The following HPSE2 variants were observed in gnomAD, a reference collection of about 807,000 sequenced individuals.
The protein encoded by HPSE2 is heparanase 2 (inactive).
HPSE2 carries 38 observed loss-of-function variants against 60.5 expected under a neutral mutation model. That is an observed-to-expected ratio of 0.63 (90% CI 0.48 to 0.82). The LOEUF (loss-of-function observed/expected upper bound fraction) is 0.82. Among genes scored for constraint, HPSE2 ranks in the 40% least tolerant of loss-of-function variants. The probability of loss-of-function intolerance (pLI) is 0.00; values close to 1 mark genes in which losing one functional copy is unlikely to be tolerated. For synonymous variants in HPSE2, 295 were observed against 293.2 expected (o/e 1.01, Z -0.06); for missense variants, 713 against 740.4 (o/e 0.96, Z 0.43).
intron 4 of HPSE2, among the ~76,000 whole-genome samples, chr10:98,736,891 G>A (rs1949371324): frequency 6.6e-6 from 1 of 152,140 alleles, no homozygotes; most frequent in African/African-American, 2.4e-5. Context: ...ATATTTTGCA[G>A]GTGCTCCACA....
chr10:98,517,197 G>A (rs113628810), intron 9 of HPSE2, among the ~76,000 whole-genome samples: 42,663 of 149,072 alleles, frequency 0.29, 6,318 homozygotes, highest in East Asian at 0.4. Context: ...TTGGGTGTGG[G>A]GTGGGGGGGG....
chr10:98,587,158 G>T (rs1366451944), intron 9 of HPSE2, among the ~76,000 whole-genome samples: 1 of 151,968 alleles, frequency 6.6e-6, no homozygotes, highest in African/African-American at 2.4e-5. Flanking sequence ...CTGTAAAAAT[G>T]CCAGTTTCTT....
At chr10:98,850,855 A>AT (rs1429721905) in intron 3 of HPSE2, among the ~76,000 whole-genome samples, 1 of 152,172 alleles carries the variant, frequency 6.6e-6, no homozygotes, top group Non-Finnish European at 1.5e-5. Context: ...AATGAGAAAT[A>AT]TCAGAGACAT....
chr10:98,675,757 A>G (rs560380202), intron 6 of HPSE2, among the ~76,000 whole-genome samples: 2 of 152,060 alleles, frequency 1.3e-5, no homozygotes, highest in South Asian at 4.1e-4. Flanking sequence ...AGACAGAAAA[A>G]AGAAAGAGAG....
chr10:99,034,910 A>AT (rs1957576456), intron 3 of HPSE2, among the ~76,000 whole-genome samples: 1 of 152,146 alleles, frequency 6.6e-6, no homozygotes, highest in Admixed American at 6.5e-5. Flanking sequence ...GGTATAAAAG[A>AT]TTTTTTAAAA....
intron 6 of HPSE2, among the ~76,000 whole-genome samples, chr10:98,654,520 C>T (rs1947006356): frequency 6.6e-6 from 1 of 152,206 alleles, no homozygotes; most frequent in Non-Finnish European, 1.5e-5. Context: ...GATGAGCCTA[C>T]TAAAGGCATT....
At chr10:98,488,044 T>C (rs1308663793) in intron 10 of HPSE2, among the ~76,000 whole-genome samples, 3 of 152,228 alleles carry the variant, frequency 2.0e-5, no homozygotes, top group Non-Finnish European at 4.4e-5. Context: ...GAAAGTCTTT[T>C]CTTTCTGTCT....
intron 2 of HPSE2, among the ~76,000 whole-genome samples, chr10:99,211,745 A>G (rs772019433): frequency 1.3e-5 from 2 of 152,198 alleles, no homozygotes; most frequent in Admixed American, 1.3e-4. Flanking sequence ...AAGACCTGAA[A>G]CTATAAAACT....
Position 98,473,484 on chromosome 10 carries a change from CAAAAAA to C in HPSE2, c.1613+9146_1613+9151del, listed in dbSNP as rs752065277. Among the ~76,000 whole-genome samples the C allele has an allele frequency of 9.7e-4, 43 of 44,296 alleles. 1 individual carries two copies. Among genetic ancestry groups the C allele is most frequent in the African/African-American group, 4.4e-3 (41 of 9,216 alleles). 29.1% of individuals were successfully genotyped at this position (44,296 alleles called of 152,430 possible). The stretch of plus-strand genomic sequence containing the variant: ...TGGGTGACAGAGTGAGACTCTGTCT[CAAAAAA>C]AAAAAAAAAAAAAAGAAGGCAGAAA... On this transcript the variant is annotated intron_variant, in intron 11 of 11. Coordinates refer to ENST00000370552, the MANE Select transcript of HPSE2 (RefSeq NM_021828.5).
At chr10:99,058,753 G>A (rs1456381597) in intron 3 of HPSE2, among the ~76,000 whole-genome samples, 1 of 152,106 alleles carries the variant, frequency 6.6e-6, no homozygotes, top group Non-Finnish European at 1.5e-5. Context: ...AAACATATAT[G>A]TGTTTGTGAA....
intron 3 of HPSE2, among the ~76,000 whole-genome samples, chr10:99,049,549 CAATAT>C (rs1957941884): frequency 6.6e-6 from 1 of 151,550 alleles, no homozygotes; most frequent in Non-Finnish European, 1.5e-5. Flanking sequence ...AGAAGAATAA[CAATAT>C]AATTAAAGGC....
At chr10:98,591,922 T>TC (rs1301594686) in intron 9 of HPSE2, among the ~76,000 whole-genome samples, 1 of 152,162 alleles carries the variant, frequency 6.6e-6, no homozygotes, top group African/African-American at 2.4e-5. Context: ...GAATATTTGA[T>TC]CTCTTTAAAA....
At chr10:98,688,893 T>A (rs1948000165) in intron 6 of HPSE2, among the ~76,000 whole-genome samples, 1 of 152,202 alleles carries the variant, frequency 6.6e-6, no homozygotes, top group South Asian at 2.1e-4. Flanking sequence ...GCTTTACATT[T>A]TTTTTTTCTT....
intron 9 of HPSE2, among the ~76,000 whole-genome samples, chr10:98,500,023 C>T (rs901390513): frequency 6.6e-6 from 1 of 152,126 alleles, no homozygotes; most frequent in African/African-American, 2.4e-5. Flanking sequence ...ATTTATAAAA[C>T]AATTACTAAT....
At chr10:98,615,956 A>G (rs184543949) in intron 8 of HPSE2, among the ~76,000 whole-genome samples, 4 of 152,208 alleles carry the variant, frequency 2.6e-5, no homozygotes, top group Non-Finnish European at 5.9e-5. Context: ...CTCTCACCCT[A>G]GACCCCATTT....
chr10:99,182,855 G>C (rs1169827471), intron 2 of HPSE2, among the ~76,000 whole-genome samples: 1 of 151,978 alleles, frequency 6.6e-6, no homozygotes, highest in African/African-American at 2.4e-5. Flanking sequence ...CATTAGCCAG[G>C]TGTGGTGGCA....
chr10:99,047,831 T>A, intron 3 of HPSE2: 1 of 798,940 alleles, frequency 1.3e-6, no homozygotes, highest in Non-Finnish European at 2.2e-6. Context: ...TAGGCAGATG[T>A]ACAGAACTGA....
intron 3 of HPSE2, among the ~76,000 whole-genome samples, chr10:99,028,862 G>A (rs566643106): frequency 7.9e-5 from 12 of 152,230 alleles, no homozygotes; most frequent in Non-Finnish European, 1.5e-4. Flanking sequence ...TTTGACAAAA[G>A]TGCCAAGAAC....
intron 3 of HPSE2, among the ~76,000 whole-genome samples, chr10:98,962,589 G>C (rs1955706558): frequency 6.6e-6 from 1 of 150,626 alleles, no homozygotes; most frequent in East Asian, 1.9e-4. Flanking sequence ...AGAGCAATCA[G>C]GCAGGAGAAG....
Sources: gnomAD v4.1 joint callset for allele counts (sites outside exome capture counted in the v4.1 genomes callset) on GRCh38, gnomAD v4.1.1 for gene constraint, MANE v1.5 for transcripts, NCBI Gene and HGNC (gene_info 2026-07-23, HGNC 2026-07-21) for gene names.